Variants in KIAA1549 observed in about 807,000 individuals in gnomAD.
KIAA1549 encodes KIAA1549, also known as UPF0606 protein KIAA1549.
KIAA1549 carries 70 observed loss-of-function variants against 156.4 expected under a neutral mutation model. The ratio of observed to expected loss-of-function variants is 0.45; its 90% CI spans 0.37 to 0.55. The LOEUF (loss-of-function observed/expected upper bound fraction) is 0.55, where lower values mean the gene tolerates loss of function less well. Ranked by LOEUF, KIAA1549 falls within the 20% of genes least tolerant of loss-of-function variation. The pLI is 0.00. For synonymous variants in KIAA1549, 1,103 were observed against 1,066.4 expected (o/e 1.03, Z -0.67); for missense variants, 2,428 against 2,540.9 (o/e 0.96, Z 0.96).
intron 12 of KIAA1549, among the ~76,000 whole-genome samples, chr7:138,875,473 C>T (rs1227630743): frequency 6.6e-6 from 1 of 151,874 alleles, no homozygotes; most frequent in African/African-American, 2.4e-5. Context: ...GGCAAGACCT[C>T]GTCTCTACAA....
chr7:138,845,651 C>T (rs935148316), intron 17 of KIAA1549, among the ~76,000 whole-genome samples: 5 of 152,162 alleles, frequency 3.3e-5, no homozygotes, highest in African/African-American at 7.2e-5. Context: ...GCAACCTTCT[C>T]GATATTGTTA....
intron 18 of KIAA1549, 33 bp from the exon 19 acceptor site, chr7:138,840,311 C>T: frequency 6.3e-7 from 1 of 1,588,400 alleles, no homozygotes; most frequent in Non-Finnish European, 8.6e-7. Context: ...GCCTGGTCAA[C>T]ATTTATAGGA....
rs1809582261 is a variant in KIAA1549 at position 138,832,926 on chromosome 7, T to G, written c.*4980A>C. The G allele has an allele frequency of 4.3e-6, 1 of 230,636 alleles. No individual in the cohort carries two copies. The highest frequency in any genetic ancestry group is 8.6e-6 in the Non-Finnish European group (1 of 116,528). 14.3% of individuals were successfully genotyped at this position (230,636 alleles called of 1,614,324 possible). ...CAAGTGTTAAGTCTATCATAGTTGATGAGTATGTTACAGCAGCTGCTCATA... is the reference window on the plus strand; with the variant it reads ...CAAGTGTTAAGTCTATCATAGTTGAGGAGTATGTTACAGCAGCTGCTCATA... On this transcript the variant is annotated 3_prime_UTR_variant, in exon 20 of 20. Coordinates refer to ENST00000422774, the MANE Select transcript of KIAA1549 (RefSeq NM_001164665.2).
chr7:138,889,464 C>T (rs1327152558), intron 10 of KIAA1549, among the ~76,000 whole-genome samples: 1 of 152,202 alleles, frequency 6.6e-6, no homozygotes, highest in Non-Finnish European at 1.5e-5. Context: ...GCTAAGAATT[C>T]TAAGGCATCA....
intron 1 of KIAA1549, among the ~76,000 whole-genome samples, chr7:138,967,432 T>C (rs1814063071): frequency 6.6e-6 from 1 of 152,126 alleles, no homozygotes; most frequent in Non-Finnish European, 1.5e-5. Context: ...GATGAGAAAG[T>C]TCTAGGCAGA....
At chr7:138,979,692 G>A (rs1366587293) in intron 1 of KIAA1549, among the ~76,000 whole-genome samples, 4 of 152,310 alleles carry the variant, frequency 2.6e-5, no homozygotes, top group East Asian at 1.9e-4. Context: ...GCTGGAACTC[G>A]CAGGAGCAGG....
At chr7:138,902,941 T>A (rs879430887) in intron 8 of KIAA1549, among the ~76,000 whole-genome samples, 8 of 152,202 alleles carry the variant, frequency 5.3e-5, no homozygotes, top group Admixed American at 1.3e-4. Context: ...ATGTTTACAG[T>A]GATCTTCTTT....
intron 10 of KIAA1549, among the ~76,000 whole-genome samples, chr7:138,889,323 C>T (rs1225373662): frequency 6.6e-6 from 1 of 152,182 alleles, no homozygotes; most frequent in Non-Finnish European, 1.5e-5. Flanking sequence ...CACGTACACT[C>T]AGGGCCCATG....
Position 138,919,805 on chromosome 7 carries a change from A to C in KIAA1549, c.188-367T>G, listed in dbSNP as rs143079746. ...AAGAAAGGTTTCCAGAAGGTAAATAAATCAATTATAAGACCACCCAGACAG... is the reference window on the plus strand; with the variant it reads ...AAGAAAGGTTTCCAGAAGGTAAATACATCAATTATAAGACCACCCAGACAG... On this transcript the variant is annotated intron_variant, in intron 1 of 19. Coordinates refer to ENST00000422774, the MANE Select transcript of KIAA1549 (RefSeq NM_001164665.2). 3.9e-3 allele frequency among the ~76,000 whole-genome samples: 600 copies of C among 152,230 alleles called. 5 individuals are homozygous for C. The highest frequency in any genetic ancestry group is 0.014 in the African/African-American group (564 of 41,528).
At position 138,919,278 on chromosome 7, in the gene KIAA1549, A is replaced by G. The variant is rs1223701861; in HGVS notation, c.348T>C (p.Thr116=). The change falls in exon 2 of 20, where the codon ACT becomes ACC. Residue 116 remains threonine, a synonymous_variant. Coordinates refer to ENST00000422774, the MANE Select transcript of KIAA1549 (RefSeq NM_001164665.2). ...GGTTAAAAAAGGCTGTATCAAAAGT[A>G]GTGGCAGACGGCGGGGCTGTGACAT... ...PLHVTAPPSA[T]TFDTAFFNQG... 6.2e-7 allele frequency: 1 copy of G among 1,614,030 alleles called. No homozygotes were observed. Among genetic ancestry groups the G allele is most frequent in the Non-Finnish European group, 8.5e-7 (1 of 1,179,894 alleles).
intron 1 of KIAA1549, among the ~76,000 whole-genome samples, chr7:138,964,789 T>C (rs1325436145): frequency 6.6e-6 from 1 of 152,166 alleles, no homozygotes; most frequent in Non-Finnish European, 1.5e-5. Flanking sequence ...AGAATGTGGA[T>C]TGCTTCAGCC....
intron 19 of KIAA1549, among the ~76,000 whole-genome samples, chr7:138,838,578 C>T (rs1584977895): frequency 6.6e-6 from 1 of 152,130 alleles, no homozygotes; most frequent in Admixed American, 6.5e-5. Flanking sequence ...CTTATCTGCA[C>T]TAAAGCATAA....
intron 1 of KIAA1549, among the ~76,000 whole-genome samples, chr7:138,939,801 C>A (rs1415610683): frequency 6.6e-6 from 1 of 152,228 alleles, no homozygotes. Flanking sequence ...ATGATCACTG[C>A]CTCCATCCAT....
In KIAA1549 at chr7:138,914,445, G is replaced by A. The variant is rs146298379; in HGVS notation, c.2879-1985C>T. On this transcript the variant is annotated intron_variant, in intron 2 of 19. Coordinates refer to ENST00000422774, the MANE Select transcript of KIAA1549 (RefSeq NM_001164665.2). The stretch of plus-strand genomic sequence containing the variant: ...AAGCGCGGCTCATGCCTCCCAGGGC[G>A]CGTGCAGGCAAGTGCTTCCTCCGCC... 3.2e-3 allele frequency among the ~76,000 whole-genome samples: 493 copies of A among 152,302 alleles called. 6 individuals carry two copies. The highest frequency in any genetic ancestry group is 0.011 in the African/African-American group (464 of 41,554).
chr7:138,907,240 T>C, intron 5 of KIAA1549, 138 bp from the exon 6 acceptor site: 1 of 659,610 alleles, frequency 1.5e-6, no homozygotes, highest in Non-Finnish European at 2.4e-6. Flanking sequence ...ACTGGCTTTC[T>C]AACCTGGTTC....
chr7:138,911,200 G>T lies in KIAA1549; in HGVS notation c.3091C>A (p.Leu1031Met). ...KLVRDQTPLI[L>M]SVKPSFLVPE... The stretch of plus-strand genomic sequence containing the variant: ...ACAAGGAAAGAAGGTTTCACAGACA[G>T]GATTAAAGGAGTCTGGTCACGGACA... The change falls in exon 4 of 20, where the codon CTG becomes ATG. Residue 1031 changes from leucine (L) to methionine (M), a missense_variant. Physicochemically the swap from Leu to Met is conservative, Grantham distance 15. Coordinates refer to ENST00000422774, the MANE Select transcript of KIAA1549 (RefSeq NM_001164665.2). 1 of 1,599,162 alleles carries T rather than the reference G, an allele frequency of 6.3e-7. No homozygotes were observed. The highest frequency in any genetic ancestry group is 2.3e-5 in the East Asian group (1 of 44,440).
Position 138,918,824 on chromosome 7 carries a change from C to T in KIAA1549, c.802G>A (p.Glu268Lys), listed in dbSNP as rs1812441114. ...YSHLSSRTLP[E>K]IVASLTEGVE... ...CCCTCTGTTAGGGAAGCCACAATCT[C>T]TGGCAGAGTCCTGCTTGATAAATGA... The change falls in exon 2 of 20, where the codon GAG becomes AAG. Residue 268 changes from glutamate to lysine, a missense_variant. This residue lies in a region of KIAA1549 where 893 missense variants were observed against 847.9 expected (regional missense o/e 1.05). Coordinates refer to ENST00000422774, the MANE Select transcript of KIAA1549 (RefSeq NM_001164665.2). This position sits in a 1 kb window ranked among gnomAD's most constrained non-coding sequence, Gnocchi z 4.2. 1 of 1,613,904 alleles carries T rather than the reference C, an allele frequency of 6.2e-7. No homozygotes were observed. The highest frequency in any genetic ancestry group is 1.3e-5 in the African/African-American group (1 of 74,944).
rs140342044 is a variant in KIAA1549, at chr7:138,980,237, C to T, written c.187+846G>A. On this transcript the variant is annotated intron_variant, in intron 1 of 19. Transcript: ENST00000422774. ...CTGTGCAGGGGCAATCGCTGGCCTG[C>T]AGTGTCAGCTCAGAGACGGTTTCCA... 4.2e-4 allele frequency among the ~76,000 whole-genome samples: 64 copies of T among 152,370 alleles called. 1 individual carries two copies. The highest frequency in any genetic ancestry group is 4.0e-3 in the East Asian group (21 of 5,186).
rs539622888 is a variant in KIAA1549 at position 138,918,630 on chromosome 7, G to A, written c.996C>T (p.Ser332=). 57 of 1,613,852 alleles carry A rather than the reference G, an allele frequency of 3.5e-5. 1 individual carries two copies. In the South Asian group the frequency reaches 5.9e-4, roughly 17 times the overall value. ...TTCTTGGAGAGATGGTTTCTTCTAGGCTTTGACTCAACACAGTGGTCACAT... is the reference window on the plus strand; with the variant it reads ...TTCTTGGAGAGATGGTTTCTTCTAGACTTTGACTCAACACAGTGGTCACAT... ...YTDVTTVLSQ[S]LEETISPRTY... Residue 332 remains serine (S), a synonymous_variant, in exon 2 of 20, where the codon AGC becomes AGT. Coordinates refer to ENST00000422774, the MANE Select transcript of KIAA1549 (RefSeq NM_001164665.2). This position sits in a 1 kb window ranked among gnomAD's most constrained non-coding sequence, Gnocchi z 4.2.
Sources: allele counts gnomAD v4.1 joint callset (sites outside exome capture counted in the v4.1 genomes callset), GRCh38; gene constraint gnomAD v4.1.1; regional missense constraint gnomAD v4.1.1; non-coding constraint Gnocchi (gnomAD v3.1); transcripts MANE v1.5; gene names NCBI Gene and HGNC (gene_info 2026-07-23, HGNC 2026-07-21).